Variants in PRSS23 observed in about 807,000 individuals in gnomAD.
PRSS23 encodes serine protease 23, also known as protease, serine 23.
PRSS23 carries 25 observed loss-of-function variants against 34.7 expected under a neutral mutation model. The observed-to-expected ratio is 0.72, with a 90% confidence interval of 0.53 to 1.01. The LOEUF is 1.01. PRSS23 is among the 50% of genes least tolerant of loss of function. PRSS23 has a pLI of 0.00. For synonymous variants in PRSS23, 176 were observed against 186.6 expected (o/e 0.94, Z 0.46); for missense variants, 445 against 475.6 (o/e 0.94, Z 0.60).
chr11:86,800,949 A>C (rs1363780032), intron 1 of PRSS23, among the ~76,000 whole-genome samples: 2 of 152,052 alleles, frequency 1.3e-5, no homozygotes, highest in African/African-American at 2.4e-5. Context: ...GGAAGCAGAG[A>C]GAGCCGGCTC....
At chr11:86,915,201 T>G (rs1949004062) in intron 2 of PRSS23, among the ~76,000 whole-genome samples, 1 of 152,134 alleles carries the variant, frequency 6.6e-6, no homozygotes, top group Non-Finnish European at 1.5e-5. Flanking sequence ...GGATTAAGTT[T>G]TTTGAGCAAA....
At chr11:86,828,912 C>T (rs1948326711) in intron 2 of PRSS23, among the ~76,000 whole-genome samples, 1 of 152,166 alleles carries the variant, frequency 6.6e-6, no homozygotes, top group Admixed American at 6.5e-5. Flanking sequence ...ACCTTTCTCT[C>T]TGGCTGCCCT....
intron 1 of PRSS23, 27 bp from the exon 2 acceptor site, chr11:86,807,604 C>A: frequency 1.9e-6 from 3 of 1,552,682 alleles, no homozygotes; most frequent in Non-Finnish European, 2.6e-6. Context: ...CCTTGCCCTC[C>A]TGACCTGCTT....
At chr11:86,951,101 TC>T in intron 2 of PRSS23, 3 of 1,602,572 alleles carry the variant, frequency 1.9e-6, no homozygotes, top group Non-Finnish European at 2.6e-6. Flanking sequence ...ATGCTGGCAT[TC>T]CCCCCTTCAA....
At chr11:86,791,809 G>A (rs987721454) in intron 1 of PRSS23, among the ~76,000 whole-genome samples, 25 of 152,176 alleles carry the variant, frequency 1.6e-4, no homozygotes, top group Non-Finnish European at 2.9e-5. Flanking sequence ...ATCCATTCAT[G>A]GTCCTACTGC....
chr11:86,795,760 G>C (rs1293506117), upstream of PRSS23, among the ~76,000 whole-genome samples: 1 of 152,162 alleles, frequency 6.6e-6, no homozygotes, highest in Non-Finnish European at 1.5e-5. Context: ...CCCACTTACT[G>C]AGTAAACTAC....
intron 1 of PRSS23, 111 bp downstream of exon 1, chr11:86,800,762 C>G (rs1262876177): frequency 3.4e-6 from 2 of 581,200 alleles, no homozygotes; most frequent in Non-Finnish European, 4.3e-6. Flanking sequence ...TGCGGGCTGC[C>G]GGAGGCACCG....
rs1305581096 is a variant in PRSS23 at position 86,809,979 on chromosome 11, C to G, written c.*1184C>G. On this transcript the variant is annotated 3_prime_UTR_variant, in exon 2 of 2. Coordinates refer to ENST00000280258, the MANE Select transcript of PRSS23 (RefSeq NM_007173.6). ...TAAGAAAACCAGTGTGGCCTTTTTC[C>G]CTCTAGCTTTAAAAGGGCCGCTTTT... The G allele has an allele frequency of 6.0e-6, 1 of 166,866 alleles. No homozygotes were observed. Among genetic ancestry groups the G allele is most frequent in the Non-Finnish European group, 1.5e-5 (1 of 68,086 alleles). The allele number at this position is 166,866 out of a possible 1,614,324, so 10.3% of individuals were successfully genotyped here.
At chr11:86,889,882 C>T (rs1041161803) in intron 2 of PRSS23, among the ~76,000 whole-genome samples, 2 of 152,296 alleles carry the variant, frequency 1.3e-5, no homozygotes, top group East Asian at 3.9e-4. Context: ...ATCTGGAGAG[C>T]TTGTTAAAAA....
intron 2 of PRSS23, among the ~76,000 whole-genome samples, chr11:86,870,233 G>T (rs924842866): frequency 1.2e-3 from 166 of 142,850 alleles, no homozygotes; most frequent in Non-Finnish European, 5.6e-4. Context: ...TACAGAGATG[G>T]TGATTTTTTT....
At chr11:86,864,387 C>T (rs907947001) in intron 2 of PRSS23, among the ~76,000 whole-genome samples, 5 of 152,146 alleles carry the variant, frequency 3.3e-5, no homozygotes, top group South Asian at 2.1e-4. Context: ...TGGAGGCTGG[C>T]GGTTCATGTG....
At chr11:86,812,525 T>C (rs951783332), downstream of PRSS23, among the ~76,000 whole-genome samples, 2 of 152,070 alleles carry the variant, frequency 1.3e-5, no homozygotes, top group African/African-American at 4.8e-5. Context: ...TGGTGGCTCA[T>C]GTCTGTAATC....
At chr11:86,842,528 C>T in intron 2 of PRSS23, among the ~76,000 whole-genome samples, 2 of 152,282 alleles carry the variant, frequency 1.3e-5, no homozygotes, top group South Asian at 4.1e-4. Context: ...ATTTAGAAAA[C>T]CCCATTGTCT....
At chr11:86,937,482 T>C (rs1451846732) in intron 2 of PRSS23, 3 of 152,098 alleles carry the variant, frequency 2.0e-5, no homozygotes, top group East Asian at 1.9e-4. Context: ...CAGGATGAGA[T>C]AGGAGGTCAG....
intron 2 of PRSS23, chr11:86,947,156 T>A (rs1025773182): frequency 1.3e-5 from 2 of 159,492 alleles, no homozygotes; most frequent in African/African-American, 4.8e-5. Context: ...TGAGCCAAGA[T>A]CGTGCCATTG....
intron 2 of PRSS23, among the ~76,000 whole-genome samples, chr11:86,829,331 G>A (rs936936267): frequency 6.6e-6 from 1 of 152,084 alleles, no homozygotes; most frequent in Non-Finnish European, 1.5e-5. Flanking sequence ...TCGAGCTTTG[G>A]CTTTCAGCTC....
intron 2 of PRSS23, chr11:86,949,406 GAAAAAAAAAAA>G (rs879210403): frequency 9.3e-6 from 1 of 107,356 alleles, no homozygotes; most frequent in African/African-American, 3.3e-5. Context: ...AAGTGTGATT[GAAAAAAAAAAA>G]AAGAAAAAAA....
chr11:86,832,927 A>T (rs1006395334), intron 2 of PRSS23: 3 of 352,128 alleles, frequency 8.5e-6, no homozygotes, highest in African/African-American at 6.4e-5. Flanking sequence ...CACAGAAGAA[A>T]TTAGGAATTT....
intron 2 of PRSS23, among the ~76,000 whole-genome samples, chr11:86,850,416 G>T (rs1353477250): frequency 1.3e-5 from 2 of 152,158 alleles, no homozygotes; most frequent in East Asian, 1.9e-4. Flanking sequence ...TTACAGGGGG[G>T]ACTGAGAGGA....
Sources: gnomAD v4.1 joint callset for allele counts (sites outside exome capture counted in the v4.1 genomes callset) on GRCh38, gnomAD v4.1.1 for gene constraint, MANE v1.5 for transcripts, NCBI Gene and HGNC (gene_info 2026-07-23, HGNC 2026-07-21) for gene names.